The following MSRB2 variants were observed in gnomAD, a reference collection of about 807,000 sequenced individuals.
The protein encoded by MSRB2 is methionine sulfoxide reductase B2.
MSRB2 carries 17 observed loss-of-function variants against 19.0 expected under a neutral mutation model. The ratio of observed to expected loss-of-function variants is 0.89; its 90% CI spans 0.61 to 1.34. The LOEUF is 1.34. MSRB2 is among the 40% of genes most tolerant of loss of function. The pLI is 0.00. For missense variants in MSRB2, 208 were observed against 237.6 expected (o/e 0.88, Z 0.82); for synonymous variants, 107 against 99.7 (o/e 1.07, Z -0.44).
chr10:23,121,069 C>T lies in MSRB2; in HGVS notation c.*207C>T. 2 of 452,314 alleles carry T rather than the reference C, an allele frequency of 4.4e-6. No homozygotes were observed. The highest frequency in any genetic ancestry group is 7.8e-6 in the Non-Finnish European group (2 of 256,084). The allele number at this position is 452,314 out of a possible 1,614,324, so 28.0% of individuals were successfully genotyped here. A position where few individuals can be genotyped will look rare whatever the true frequency, so the allele number is the denominator to read the frequency against. ...TTCTTGTGTTGCTATAAAGAAGTAC[C>T]TGATCAGGATCTGGGAGAATTTGAA... On this transcript the variant is annotated 3_prime_UTR_variant, in exon 5 of 5. Coordinates refer to ENST00000376510, the MANE Select transcript of MSRB2 (RefSeq NM_012228.4).
intron 2 of MSRB2, among the ~76,000 whole-genome samples, chr10:23,109,700 C>T (rs150538735): frequency 0.013 from 1,939 of 152,278 alleles, 28 homozygotes; most frequent in Non-Finnish European, 0.017. Context: ...AAGTAGTAAC[C>T]TGGGCACTGA....
intron 3 of MSRB2, among the ~76,000 whole-genome samples, chr10:23,114,754 G>A (rs1840092510): frequency 6.6e-6 from 1 of 152,190 alleles, no homozygotes; most frequent in African/African-American, 2.4e-5. Flanking sequence ...TGAGGAAACT[G>A]AGAGCTAGGA....
intron 3 of MSRB2, among the ~76,000 whole-genome samples, chr10:23,111,237 G>T (rs1840049012): frequency 6.6e-6 from 1 of 152,216 alleles, no homozygotes; most frequent in Non-Finnish European, 1.5e-5. Context: ...TTGCCCGGAT[G>T]CATTCACGTT....
At chr10:23,120,669 G>A in intron 4 of MSRB2, 89 bp from the exon 5 acceptor site, 1 of 883,948 alleles carries the variant, frequency 1.1e-6, no homozygotes, top group Non-Finnish European at 1.8e-6. Flanking sequence ...ACTCCGGAGT[G>A]GAGTGATTTT....
intron 3 of MSRB2, among the ~76,000 whole-genome samples, chr10:23,115,825 A>G (rs11013295): frequency 0.66 from 100,866 of 152,022 alleles, 33,931 homozygotes; most frequent in African/African-American, 0.72. Context: ...AAATGCTTTA[A>G]TGAGTTTTTA....
chr10:23,119,156 G>C, intron 3 of MSRB2, 148 bp from the exon 4 acceptor site: 1 of 982,684 alleles, frequency 1.0e-6, no homozygotes, highest in South Asian at 1.3e-5. Flanking sequence ...ACGATTCCGG[G>C]GGGACTGACT....
At position 23,097,162 on chromosome 10, in the gene MSRB2, C is replaced by T. The variant is rs186119419; in HGVS notation, c.118+1436C>T. 1.9e-4 allele frequency among the ~76,000 whole-genome samples: 29 copies of T among 152,276 alleles called. 1 individual carries two copies. The East Asian group carries it at 3.3e-3, about 17-fold the overall frequency. The stretch of plus-strand genomic sequence containing the variant: ...ACCCAAATCAGTTAAGAAATACTTA[C>T]GTAAATCATGAAAATTCAATCCAAC... On this transcript the variant is annotated intron_variant, in intron 1 of 4. Transcript: ENST00000376510.
At chr10:23,106,942 A>G (rs1306709230) in intron 2 of MSRB2, among the ~76,000 whole-genome samples, 4 of 152,232 alleles carry the variant, frequency 2.6e-5, no homozygotes, top group Admixed American at 6.5e-5. Flanking sequence ...GTGAACTGCC[A>G]TTGGTCCAGC....
intron 3 of MSRB2, among the ~76,000 whole-genome samples, chr10:23,114,704 C>T (rs1276724124): frequency 2.0e-5 from 3 of 152,176 alleles, no homozygotes; most frequent in South Asian, 2.1e-4. Context: ...TCAGACCTCT[C>T]GGCAGCTCCC....
rs1428875299 is a variant in MSRB2 at position 23,117,821 on chromosome 10, G to C, written c.297-1483G>C. Among the ~76,000 whole-genome samples the C allele has an allele frequency of 2.6e-5, 4 of 152,224 alleles. No homozygotes were observed. In the South Asian group the frequency reaches 6.2e-4, roughly 24 times the overall value. On this transcript the variant is annotated intron_variant, in intron 3 of 4. Coordinates refer to ENST00000376510, the MANE Select transcript of MSRB2 (RefSeq NM_012228.4). ...GGCCAGGCTGGTCTCGAACTCCTGA[G>C]CTCAAGTGATCCACCCGCTTCCACC...
At chr10:23,105,353 AG>A (rs1240826781) in intron 2 of MSRB2, among the ~76,000 whole-genome samples, 4 of 152,040 alleles carry the variant, frequency 2.6e-5, no homozygotes, top group Non-Finnish European at 5.9e-5. Context: ...ATTTTTGTTA[AG>A]TGTCATCCTC....
At position 23,120,896 on chromosome 10, in the gene MSRB2, T is replaced by G. The variant is rs1840174893; in HGVS notation, c.*34T>G. 1 of 1,497,772 alleles carries G rather than the reference T, an allele frequency of 6.7e-7. No individual in the cohort carries two copies. Among genetic ancestry groups the G allele is most frequent in the African/African-American group, 1.4e-5 (1 of 72,346 alleles). The allele number at this position is 1,497,772 out of a possible 1,614,324, so 92.8% of individuals were successfully genotyped here. A position where few individuals can be genotyped will look rare whatever the true frequency, so the allele number is the denominator to read the frequency against. ...AAGAGTCCCGTTCCCTTGCCACCCC[T>G]TCACGTGCACCCTCAATTTCCACAA... is the stretch of plus-strand genomic sequence containing the variant. On this transcript the variant is annotated 3_prime_UTR_variant, in exon 5 of 5. Coordinates refer to ENST00000376510, the MANE Select transcript of MSRB2 (RefSeq NM_012228.4).
intron 2 of MSRB2, among the ~76,000 whole-genome samples, chr10:23,107,867 G>A (rs1482269626): frequency 6.6e-6 from 1 of 152,202 alleles, no homozygotes; most frequent in African/African-American, 2.4e-5. Flanking sequence ...TATAAAATTG[G>A]AGAGGGAGGG....
At chr10:23,098,187 C>A (rs990925416) in intron 1 of MSRB2, among the ~76,000 whole-genome samples, 1 of 152,112 alleles carries the variant, frequency 6.6e-6, no homozygotes. Flanking sequence ...TCTTTTAATA[C>A]CAGTTTCTAA....
chr10:23,105,008 T>A (rs1376978683), intron 2 of MSRB2, among the ~76,000 whole-genome samples: 1 of 152,188 alleles, frequency 6.6e-6, no homozygotes, highest in Non-Finnish European at 1.5e-5. Context: ...CCCTGGCACC[T>A]AACGTGGTGG....
At chr10:23,111,574 G>T (rs533170395) in intron 3 of MSRB2, among the ~76,000 whole-genome samples, 1 of 152,138 alleles carries the variant, frequency 6.6e-6, no homozygotes, top group African/African-American at 2.4e-5. Context: ...AAAAAGGGGG[G>T]GACTTCTTCC....
intron 3 of MSRB2, among the ~76,000 whole-genome samples, chr10:23,117,592 C>T (rs1374676199): frequency 6.6e-6 from 1 of 152,098 alleles, no homozygotes; most frequent in Non-Finnish European, 1.5e-5. Flanking sequence ...AATTCGAAAT[C>T]TGAAATGCAC....
At chr10:23,111,674 A>G (rs147907351) in intron 3 of MSRB2, among the ~76,000 whole-genome samples, 20 of 152,298 alleles carry the variant, frequency 1.3e-4, no homozygotes, top group Middle Eastern at 3.4e-3. Flanking sequence ...TGTCCAGTAG[A>G]ACTTCCTGTG....
At chr10:23,112,940 T>G (rs1840072499) in intron 3 of MSRB2, among the ~76,000 whole-genome samples, 1 of 152,350 alleles carries the variant, frequency 6.6e-6, no homozygotes, top group Non-Finnish European at 1.5e-5. Flanking sequence ...ATGAATGCGC[T>G]TTTGATCCTG....
Sources: gnomAD v4.1 joint callset for allele counts (sites outside exome capture counted in the v4.1 genomes callset) on GRCh38, gnomAD v4.1.1 for gene constraint, MANE v1.5 for transcripts, NCBI Gene and HGNC (gene_info 2026-07-23, HGNC 2026-07-21) for gene names.